KLHL6: variants seen among roughly 807,000 people sequenced by gnomAD.
KLHL6 encodes kelch like family member 6.
In KLHL6, 41 loss-of-function variants were observed where a neutral mutation model predicts 58.6. The observed-to-expected ratio is 0.70, with a 90% CI of 0.55 to 0.91. KLHL6 has a LOEUF of 0.91. Among genes scored for constraint, KLHL6 ranks in the 40% least tolerant of loss-of-function variants. The pLI is 0.00. For missense variants in KLHL6, 714 were observed against 805.6 expected, an observed-to-expected ratio of 0.89 and a Z score of 1.38; for synonymous variants, 338 against 322.7, an observed-to-expected ratio of 1.05 and a Z score of -0.51.
chr3:183,492,376 G>T lies in KLHL6; in HGVS notation c.1564+118C>A. Reference sequence around the variant, plus strand: ...TGATGGCTCTCCTGAAAGCCAGAGTGGGTCCTAGGGGCAGTGAGTTGCCAG... The same window carrying T: ...TGATGGCTCTCCTGAAAGCCAGAGTTGGTCCTAGGGGCAGTGAGTTGCCAG... On this transcript the variant is annotated intron_variant, in intron 6 of 6. Coordinates refer to ENST00000341319, the MANE Select transcript of KLHL6 (RefSeq NM_130446.4). This position sits in a 1 kb window ranked among gnomAD's most constrained non-coding sequence, Gnocchi z 5.9. The T allele has an allele frequency of 7.7e-7, 1 of 1,296,068 alleles. No individual in the cohort carries two copies. Among genetic ancestry groups the T allele is most frequent in the Non-Finnish European group, 1.1e-6 (1 of 932,804 alleles). 80.3% of individuals were successfully genotyped at this position (1,296,068 alleles called of 1,614,324 possible).
chr3:183,513,916 C>T lies in KLHL6; in HGVS notation c.460-5408G>A, dbSNP rs183099529. Among the ~76,000 whole-genome samples, 163 of 152,200 alleles carry T rather than the reference C, an allele frequency of 1.1e-3. 1 individual carries two copies. Among genetic ancestry groups the T allele is most frequent in the African/African-American group, 3.5e-3 (144 of 41,542 alleles). On this transcript the variant is annotated intron_variant, in intron 2 of 6. Transcript: ENST00000341319. ...CCCCAGTGTGTGATGTTCCCCTCCC[C>T]GTGTCCATGTGTTCTCATTGTTCAA...
chr3:183,555,106 G>A (rs772749922), intron 1 of KLHL6, among the ~76,000 whole-genome samples: 6 of 151,804 alleles, frequency 4.0e-5, no homozygotes, highest in African/African-American at 7.3e-5. Context: ...CAGAGGTTGC[G>A]GTGAACCGAG....
intron 1 of KLHL6, among the ~76,000 whole-genome samples, chr3:183,532,859 G>A (rs1347902990): frequency 1.3e-5 from 2 of 152,188 alleles, no homozygotes; most frequent in Admixed American, 6.5e-5. Context: ...GACTCAAAGA[G>A]AACATTTTAA....
intron 1 of KLHL6, 100 bp downstream of exon 1, chr3:183,555,261 A>T: frequency 1.1e-6 from 1 of 950,996 alleles, no homozygotes. Context: ...TATGTAAACC[A>T]TAAATATCAT....
rs140164298 is a variant in KLHL6, at chr3:183,517,380, G to A, written c.460-8872C>T. 6.5e-3 allele frequency among the ~76,000 whole-genome samples: 985 copies of A among 152,160 alleles called. 6 individuals carry two copies. The highest frequency in any genetic ancestry group is 0.01 in the Non-Finnish European group (695 of 68,006). On this transcript the variant is annotated intron_variant, in intron 2 of 6. Transcript: ENST00000341319. ...ATCCTCACCTCTCTTCCCCTCTCCC[G>A]GGCGATGCTCCAGCTCCGTTCCCGT...
intron 2 of KLHL6, among the ~76,000 whole-genome samples, chr3:183,524,445 T>C (rs1711878865): frequency 1.3e-5 from 2 of 152,202 alleles, no homozygotes; most frequent in African/African-American, 4.8e-5. Flanking sequence ...GGCCAGATGA[T>C]TGCAAAGTTC....
chr3:183,503,217 T>C (rs777393104), intron 3 of KLHL6, among the ~76,000 whole-genome samples: 17 of 152,390 alleles, frequency 1.1e-4, no homozygotes, highest in East Asian at 7.7e-4. Context: ...AGTGAGCATA[T>C]TGTTTCAGCA....
At chr3:183,540,922 G>GCGCT (rs1400185263) in intron 1 of KLHL6, among the ~76,000 whole-genome samples, 1 of 152,172 alleles carries the variant, frequency 6.6e-6, no homozygotes, top group African/African-American at 2.4e-5. Flanking sequence ...GTCCGCATTT[G>GCGCT]CGCTCGCCGT....
intron 1 of KLHL6, among the ~76,000 whole-genome samples, chr3:183,541,310 G>T (rs1712544012): frequency 6.6e-6 from 1 of 152,212 alleles, no homozygotes; most frequent in Non-Finnish European, 1.5e-5. Context: ...AGAATCCAGA[G>T]GGAAAGGGAC....
At chr3:183,498,485 G>A (rs1236608879) in intron 4 of KLHL6, among the ~76,000 whole-genome samples, 2 of 152,056 alleles carry the variant, frequency 1.3e-5, no homozygotes, top group Non-Finnish European at 2.9e-5. Context: ...GAGTGTGGGC[G>A]TTAGGCTTAG....
At chr3:183,533,956 AGAGCTGGGG>A (rs1712240718) in intron 1 of KLHL6, among the ~76,000 whole-genome samples, 1 of 151,768 alleles carries the variant, frequency 6.6e-6, no homozygotes, top group African/African-American at 2.4e-5. Context: ...ATCCCCGCCC[AGAGCTGGGG>A]GAGCCGTGAT....
intron 1 of KLHL6, among the ~76,000 whole-genome samples, chr3:183,550,726 G>A (rs1712883290): frequency 6.6e-6 from 1 of 152,132 alleles, no homozygotes; most frequent in African/African-American, 2.4e-5. Context: ...AGCCCAGGGA[G>A]GCTGCAGTGA....
chr3:183,516,049 A>G (rs1257293951), intron 2 of KLHL6, among the ~76,000 whole-genome samples: 1 of 152,254 alleles, frequency 6.6e-6, no homozygotes, highest in Non-Finnish European at 1.5e-5. Context: ...GAGGCAGTAC[A>G]GTTGATGCTC....
chr3:183,492,850 C>T lies in KLHL6; in HGVS notation c.1351-143G>A. 1 of 662,314 alleles carries T rather than the reference C, an allele frequency of 1.5e-6. No individual in the cohort carries two copies. The highest frequency in any genetic ancestry group is 2.6e-6 in the Non-Finnish European group (1 of 390,248). The allele number at this position is 662,314 out of a possible 1,614,324, so 41.0% of individuals were successfully genotyped here. A position where few individuals can be genotyped will look rare whatever the true frequency, so the allele number is the denominator to read the frequency against. Reference sequence around the variant, plus strand: ...GTCACAAGGCCCATGGGCTTGACTCCTCTTAAGACACAGCAAGAATGAAAG... The same window carrying T: ...GTCACAAGGCCCATGGGCTTGACTCTTCTTAAGACACAGCAAGAATGAAAG... On this transcript the variant is annotated intron_variant, in intron 5 of 6. Transcript: ENST00000341319. This position sits in a 1 kb window ranked among gnomAD's most constrained non-coding sequence, Gnocchi z 5.9.
chr3:183,555,217 T>C (rs1713066056), intron 1 of KLHL6, 144 bp downstream of exon 1: 1 of 545,552 alleles, frequency 1.8e-6, no homozygotes, highest in Admixed American at 3.6e-5. Context: ...GTGTCCTTTC[T>C]TATATTTTAA....
At chr3:183,541,888 G>C (rs1438160989) in intron 1 of KLHL6, among the ~76,000 whole-genome samples, 2 of 152,088 alleles carry the variant, frequency 1.3e-5, no homozygotes, top group Admixed American at 6.6e-5. Flanking sequence ...GGCAGGAGAA[G>C]GGTTGATAAG....
At chr3:183,547,755 A>G (rs1712772990) in intron 1 of KLHL6, among the ~76,000 whole-genome samples, 2 of 152,176 alleles carry the variant, frequency 1.3e-5, no homozygotes, top group African/African-American at 4.8e-5. Flanking sequence ...TTCAGTCTTC[A>G]TAATATCAAG....
intron 3 of KLHL6, among the ~76,000 whole-genome samples, chr3:183,502,928 C>CCACGGAG (rs1717907893): frequency 1.3e-5 from 2 of 152,154 alleles, no homozygotes; most frequent in Non-Finnish European, 2.9e-5. Flanking sequence ...GGTAATGAGA[C>CCACGGAG]CTGTCTTATA....
intron 2 of KLHL6, among the ~76,000 whole-genome samples, chr3:183,525,269 A>ACACACACACACACACACACACACACACAC (rs1553811031): frequency 7.5e-5 from 10 of 133,788 alleles, no homozygotes; most frequent in Non-Finnish European, 1.3e-4. Flanking sequence ...CTAAAAAAAA[A>ACACACACACACACACACACACACACACAC]ACACACACAC....
Sources: allele counts gnomAD v4.1 joint callset (sites outside exome capture counted in the v4.1 genomes callset), GRCh38; gene constraint gnomAD v4.1.1; non-coding constraint Gnocchi (gnomAD v3.1); transcripts MANE v1.5; gene names NCBI Gene and HGNC (gene_info 2026-07-23, HGNC 2026-07-21).